The following C1QTNF3 variants were observed in gnomAD, a reference collection of about 807,000 sequenced individuals.
C1QTNF3 encodes C1q and TNF related 3, also known as complement C1q tumor necrosis factor-related protein 3.
C1QTNF3 carries 26 observed loss-of-function variants against 32.6 expected under a neutral mutation model. The ratio of observed to expected loss-of-function variants is 0.80; its 90% CI spans 0.58 to 1.11. The LOEUF (loss-of-function observed/expected upper bound fraction) is 1.11, where lower values mean the gene tolerates loss of function less well. Ranked by LOEUF, C1QTNF3 falls within the 50% of genes least tolerant of loss-of-function variation. C1QTNF3 has a pLI of 0.00. For missense variants in C1QTNF3, 362 were observed against 398.2 expected (o/e 0.91, Z 0.77); for synonymous variants, 155 against 146.0 (o/e 1.06, Z -0.44).
At chr5:34,027,065 T>C (rs1754479874) in intron 4 of C1QTNF3, among the ~76,000 whole-genome samples, 1 of 152,336 alleles carries the variant, frequency 6.6e-6, no homozygotes, top group African/African-American at 2.4e-5. Flanking sequence ...AATTGCACTT[T>C]GGTTATTTAA....
At chr5:34,197,530 T>C in the C1QTNF3 span, among the ~76,000 whole-genome samples, 1 of 152,194 alleles carries the variant, frequency 6.6e-6, no homozygotes, top group African/African-American at 2.4e-5. Context: ...CATGTATTTT[T>C]CCATTTAAAA....
At chr5:34,051,420 AT>A in the C1QTNF3 span, among the ~76,000 whole-genome samples, 1 of 152,344 alleles carries the variant, frequency 6.6e-6, no homozygotes, top group East Asian at 1.9e-4. Context: ...AAATAACAAT[AT>A]CATGATTATC....
chr5:34,239,659 CA>C, the C1QTNF3 span, among the ~76,000 whole-genome samples: 1 of 152,052 alleles, frequency 6.6e-6, no homozygotes, highest in East Asian at 1.9e-4. Flanking sequence ...TTTTGGACTA[CA>C]AAAAGACAGA....
At chr5:34,166,083 C>A in the C1QTNF3 span, 1 of 150,086 alleles carries the variant, frequency 6.7e-6, no homozygotes, top group Admixed American at 6.7e-5. Context: ...AACAGGCAGG[C>A]TTAGAAAGTG....
the C1QTNF3 span, among the ~76,000 whole-genome samples, chr5:34,058,282 G>A: frequency 2.0e-5 from 3 of 151,748 alleles, no homozygotes; most frequent in East Asian, 5.8e-4. Flanking sequence ...TGAAGACCAC[G>A]TGCTCCTGAA....
In C1QTNF3 at chr5:34,029,002, T is replaced by A. The variant is rs1241672767; in HGVS notation, c.571-119A>T. Reference sequence around the variant, plus strand: ...GCAAGATTGGGAATAAACATCAATCTATGGAGAGAGAAACAAATAAATTAT... The same window carrying A: ...GCAAGATTGGGAATAAACATCAATCAATGGAGAGAGAAACAAATAAATTAT... On this transcript the variant is annotated intron_variant, in intron 3 of 5. Transcript: ENST00000382065. 1.6e-5 allele frequency: 12 copies of A among 752,008 alleles called. 1 individual carries two copies. The South Asian group carries it at 2.5e-4, about 16-fold the overall frequency. 46.6% of individuals were successfully genotyped at this position (752,008 alleles called of 1,614,324 possible).
chr5:34,072,480 T>C, the C1QTNF3 span, among the ~76,000 whole-genome samples: 4 of 152,184 alleles, frequency 2.6e-5, no homozygotes, highest in African/African-American at 9.7e-5. Context: ...GGATCATTTG[T>C]AGAATACAGA....
At chr5:34,176,000 G>T in the C1QTNF3 span, 7 of 725,214 alleles carry the variant, frequency 9.7e-6, no homozygotes, top group Middle Eastern at 3.8e-4. Flanking sequence ...TGGCAGAATT[G>T]TAAATGTTAG....
In C1QTNF3 at chr5:34,042,954, T is replaced by C; in HGVS notation, c.172A>G (p.Arg58Gly). 6.2e-7 allele frequency: 1 copy of C among 1,614,238 alleles called. No homozygotes were observed. The highest frequency in any genetic ancestry group is 8.5e-7 in the Non-Finnish European group (1 of 1,180,040). Residue 58 changes from arginine (R) to glycine (G), a missense_variant, in exon 1 of 6, where the codon AGA (arginine) becomes GGA (glycine). Physicochemically the swap from Arg to Gly is moderately radical, Grantham distance 125. Coordinates refer to ENST00000382065, the MANE Select transcript of C1QTNF3 (RefSeq NM_181435.6). The part of the protein sequence containing the change: ...GRSGSRREKV[R>G]ERSHPKTGTV... Reference sequence around the variant, plus strand: ...CCAGTTTTAGGATGGCTCCGCTCTCTCACTTTCTCCCTCCTGGAGCCGCTA... The same window carrying C: ...CCAGTTTTAGGATGGCTCCGCTCTCCCACTTTCTCCCTCCTGGAGCCGCTA...
At chr5:34,139,827 T>C in the C1QTNF3 span, among the ~76,000 whole-genome samples, 1 of 152,320 alleles carries the variant, frequency 6.6e-6, no homozygotes, top group Admixed American at 6.5e-5. Flanking sequence ...GGGTTAACAT[T>C]AATAAATGAA....
At chr5:34,100,492 C>A in the C1QTNF3 span, among the ~76,000 whole-genome samples, 1 of 151,740 alleles carries the variant, frequency 6.6e-6, no homozygotes, top group South Asian at 2.1e-4. Context: ...AAGATTGAGT[C>A]ATTATATGGA....
the C1QTNF3 span, among the ~76,000 whole-genome samples, chr5:34,133,066 G>A: frequency 4.0e-4 from 61 of 152,258 alleles, no homozygotes; most frequent in East Asian, 3.5e-3. Context: ...ATAATGTTTC[G>A]GAGTGAATGA....
At chr5:34,178,439 T>G in the C1QTNF3 span, among the ~76,000 whole-genome samples, 60 of 152,120 alleles carry the variant, frequency 3.9e-4, no homozygotes, top group Middle Eastern at 3.4e-3. Flanking sequence ...CCACTGTGGG[T>G]GGCTGTTCCC....
chr5:34,177,625 T>A, the C1QTNF3 span, among the ~76,000 whole-genome samples: 1 of 151,894 alleles, frequency 6.6e-6, no homozygotes, highest in Admixed American at 6.6e-5. Flanking sequence ...TAGCTGGGAT[T>A]ACAGGTACAT....
chr5:34,225,986 C>T, the C1QTNF3 span, among the ~76,000 whole-genome samples: 1 of 151,858 alleles, frequency 6.6e-6, no homozygotes, highest in Admixed American at 6.6e-5. Flanking sequence ...TTATACCAAT[C>T]ATTACTAATT....
the C1QTNF3 span, among the ~76,000 whole-genome samples, chr5:34,202,902 TAACTC>T: frequency 6.6e-6 from 1 of 151,956 alleles, no homozygotes. Flanking sequence ...TAATAAAACT[TAACTC>T]AGATGGTTCT....
the C1QTNF3 span, among the ~76,000 whole-genome samples, chr5:34,213,678 T>C: frequency 3.8e-3 from 478 of 127,350 alleles, 5 homozygotes; most frequent in African/African-American, 0.016. Flanking sequence ...AGCCAGGACA[T>C]TTCTGTTGTG....
At chr5:34,213,797 A>G in the C1QTNF3 span, among the ~76,000 whole-genome samples, 2 of 2,808 alleles carry the variant, frequency 7.1e-4, no homozygotes, top group Non-Finnish European at 1.5e-3. Context: ...ATATATATAT[A>G]TATATATATA....
chr5:34,049,331 A>C, the C1QTNF3 span, among the ~76,000 whole-genome samples: 1 of 152,276 alleles, frequency 6.6e-6, no homozygotes, highest in East Asian at 1.9e-4. Flanking sequence ...AGATAACACC[A>C]ACCTCTTCCC....
Sources: gnomAD v4.1 joint callset for allele counts (sites outside exome capture counted in the v4.1 genomes callset) on GRCh38, gnomAD v4.1.1 for gene constraint, MANE v1.5 for transcripts, NCBI Gene and HGNC (gene_info 2026-07-23, HGNC 2026-07-21) for gene names.